The following HIVEP3 variants were observed in gnomAD, a reference collection of about 807,000 sequenced individuals.
HIVEP3 encodes HIVEP zinc finger 3, also known as transcription factor HIVEP3.
In HIVEP3, 49 loss-of-function variants were observed where a neutral mutation model predicts 152.8. That is an observed-to-expected ratio of 0.32 (90% confidence interval 0.26 to 0.41). The LOEUF (loss-of-function observed/expected upper bound fraction) is 0.41. Among genes scored for constraint, HIVEP3 ranks in the 10% least tolerant of loss-of-function variants. HIVEP3 has a pLI of 1.00. For synonymous variants in HIVEP3, 1,269 were observed against 1,289.0 expected (o/e 0.98, Z 0.33); for missense variants, 2,790 against 3,103.3 (o/e 0.90, Z 2.40).
At chr1:41,689,020 A>T (rs911275944) in intron 2 of HIVEP3, among the ~76,000 whole-genome samples, 5 of 152,240 alleles carry the variant, frequency 3.3e-5, no homozygotes, top group Non-Finnish European at 7.3e-5. Context: ...TGTATTTCCA[A>T]CTTCTAAAAA....
At chr1:41,564,890 G>A (rs2146314) in intron 5 of HIVEP3, among the ~76,000 whole-genome samples, 28,554 of 152,136 alleles carry the variant, frequency 0.19, 3,201 homozygotes, top group Non-Finnish European at 0.27. Flanking sequence ...GGGAGTGGGT[G>A]GAGGGAGCTC....
chr1:41,878,558 G>A (rs1570722827), intron 1 of HIVEP3, among the ~76,000 whole-genome samples: 1 of 152,092 alleles, frequency 6.6e-6, no homozygotes, highest in African/African-American at 2.4e-5. Context: ...TGGGGAGAGG[G>A]TAGGAGAAGA....
intron 1 of HIVEP3, among the ~76,000 whole-genome samples, chr1:41,894,586 C>T (rs1644499372): frequency 2.0e-5 from 3 of 152,176 alleles, no homozygotes; most frequent in Admixed American, 1.3e-4. Flanking sequence ...AACATTCAAA[C>T]ATTTCCACTC....
intron 1 of HIVEP3, among the ~76,000 whole-genome samples, chr1:41,927,156 T>C: frequency 6.6e-6 from 1 of 152,240 alleles, no homozygotes; most frequent in East Asian, 1.9e-4. Context: ...TGTAAGCTTC[T>C]AGTACAAAAG....
At chr1:41,637,545 C>T (rs992567563) in intron 2 of HIVEP3, among the ~76,000 whole-genome samples, 3 of 152,188 alleles carry the variant, frequency 2.0e-5, no homozygotes, top group Non-Finnish European at 4.4e-5. Context: ...AGCGGTGAAC[C>T]TTGGTCTGTT....
chr1:41,884,213 A>T (rs1326218318), intron 1 of HIVEP3, among the ~76,000 whole-genome samples: 1 of 152,054 alleles, frequency 6.6e-6, no homozygotes, highest in African/African-American at 2.4e-5. Flanking sequence ...TGATCCACCC[A>T]CCTTGACCTC....
intron 5 of HIVEP3, 26 bp from the exon 6 acceptor site, chr1:41,524,936 A>C (rs577746190): frequency 1.2e-6 from 2 of 1,600,336 alleles, no homozygotes; most frequent in African/African-American, 2.7e-5. Context: ...GTCATAGTAA[A>C]GGGAAAAAAA....
chr1:41,605,920 C>T (rs1644817112), intron 3 of HIVEP3, among the ~76,000 whole-genome samples: 1 of 152,272 alleles, frequency 6.6e-6, no homozygotes, highest in South Asian at 2.1e-4. Flanking sequence ...TGAACCTTCT[C>T]ACGGTCATGA....
chr1:41,770,843 T>G (rs537820419), intron 1 of HIVEP3, among the ~76,000 whole-genome samples: 3 of 152,278 alleles, frequency 2.0e-5, no homozygotes, highest in Non-Finnish European at 4.4e-5. Context: ...GTTGTGCTAA[T>G]GTTAATTTCT....
rs143052072 is a variant in HIVEP3, at chr1:41,512,873, G to C, written c.6348C>G (p.Pro2116=). 1.3e-6 allele frequency: 2 copies of C among 1,554,282 alleles called. No individual in the cohort carries two copies. Among genetic ancestry groups the C allele is most frequent in the Admixed American group, 3.8e-5 (2 of 52,772 alleles). Residue 2116 remains proline, a synonymous_variant, in exon 8 of 9, where the codon CCC becomes CCG. Coordinates refer to ENST00000372583, the MANE Select transcript of HIVEP3 (RefSeq NM_024503.5). ...LGLDPRVLFP[P]APLPHKLLSR... is the part of the protein sequence containing the mutation. ...TGAGGAGCTTGTGAGGTAGAGGCGC[G>C]GGCGGGAAGAGAACCCGTGGGTCCA...
intron 6 of HIVEP3, among the ~76,000 whole-genome samples, chr1:41,521,846 C>T (rs1016961550): frequency 6.6e-5 from 10 of 152,246 alleles, no homozygotes; most frequent in African/African-American, 1.4e-4. Context: ...TCCCCTGAGG[C>T]GATCGGTGCA....
chr1:41,797,037 A>C (rs1650024117), intron 1 of HIVEP3, among the ~76,000 whole-genome samples: 1 of 152,228 alleles, frequency 6.6e-6, no homozygotes, highest in Admixed American at 6.5e-5. Flanking sequence ...TGGCAAAAAA[A>C]GTCCCTGTCA....
intron 1 of HIVEP3, among the ~76,000 whole-genome samples, chr1:42,004,336 TCCTC>T (rs1377487585): frequency 6.6e-6 from 1 of 152,174 alleles, no homozygotes; most frequent in African/African-American, 2.4e-5. Context: ...GCAAAATGTA[TCCTC>T]CCTATTTTAA....
chr1:41,915,223 A>G (rs1281186351), intron 1 of HIVEP3, among the ~76,000 whole-genome samples: 4 of 152,240 alleles, frequency 2.6e-5, no homozygotes, highest in African/African-American at 9.6e-5. Context: ...CTATGGATAC[A>G]TGTGGGTCAT....
At chr1:41,932,089 T>C (rs1008235785) in intron 1 of HIVEP3, among the ~76,000 whole-genome samples, 3 of 151,948 alleles carry the variant, frequency 2.0e-5, no homozygotes, top group African/African-American at 7.2e-5. Context: ...CTTTTGTAGA[T>C]GCCCTTTTTG....
At chr1:42,004,256 T>C (rs886848613) in intron 1 of HIVEP3, among the ~76,000 whole-genome samples, 13 of 152,220 alleles carry the variant, frequency 8.5e-5, no homozygotes, top group Non-Finnish European at 1.5e-5. Context: ...CCATCCACTG[T>C]AGGCATTCTA....
intron 7 of HIVEP3, among the ~76,000 whole-genome samples, chr1:41,515,517 TA>T (rs144982078): frequency 0.035 from 5,353 of 152,284 alleles, 270 homozygotes; most frequent in African/African-American, 0.11. Flanking sequence ...GGGAGGGGCC[TA>T]ATTCAACACC....
At position 41,510,822 on chromosome 1, in the gene HIVEP3, C is replaced by T. The variant is rs752933191; in HGVS notation, c.6850G>A (p.Gly2284Ser). The change falls in exon 9 of 9, where the codon GGC becomes AGC. Residue 2284 changes from glycine to serine, a missense_variant. Transcript: ENST00000372583. ...GTCCAGTCAGGAGGCCTGCCCGGGC[C>T]TCCGCCGGTCCTCTCCCTCTCCTTG... is the stretch of plus-strand genomic sequence containing the variant. ...YPKERERTGGGPGRPPDWTPH... is the reference protein window; with the variant it reads ...YPKERERTGGSPGRPPDWTPH... 7.4e-6 allele frequency: 12 copies of T among 1,612,648 alleles called. No homozygotes were observed. Among genetic ancestry groups the T allele is most frequent in the Non-Finnish European group, 1.0e-5 (12 of 1,179,766 alleles).
chr1:41,747,521 G>A (rs1050268192), intron 1 of HIVEP3, among the ~76,000 whole-genome samples: 4 of 152,182 alleles, frequency 2.6e-5, no homozygotes, highest in African/African-American at 9.7e-5. Context: ...AGTATAAAAA[G>A]AAAATAAAAA....
Sources: allele counts gnomAD v4.1 joint callset (sites outside exome capture counted in the v4.1 genomes callset), GRCh38; gene constraint gnomAD v4.1.1; transcripts MANE v1.5; gene names NCBI Gene and HGNC (gene_info 2026-07-23, HGNC 2026-07-21).